RBMS1: variants seen among roughly 807,000 people sequenced by gnomAD.
RBMS1 encodes RNA binding motif single stranded interacting protein 1, also known as RNA-binding motif, single-stranded-interacting protein 1.
Under a neutral mutation model 62.3 loss-of-function variants are expected in RBMS1, and 17 were observed. The ratio of observed to expected loss-of-function variants is 0.27; its 90% CI spans 0.19 to 0.41. RBMS1 has a LOEUF of 0.41. Ranked by LOEUF, RBMS1 falls within the 10% of genes least tolerant of loss-of-function variation. RBMS1 has a pLI of 1.00. For synonymous variants in RBMS1, 172 were observed against 170.0 expected, an observed-to-expected ratio of 1.01 and a Z score of -0.09; for missense variants, 334 against 504.5, an observed-to-expected ratio of 0.66 and a Z score of 3.24.
intron 1 of RBMS1, among the ~76,000 whole-genome samples, chr2:160,486,597 A>G (rs923873251): frequency 6.6e-5 from 10 of 152,190 alleles, no homozygotes; most frequent in East Asian, 5.8e-4. Flanking sequence ...CAGGGCCCAT[A>G]TTGAGGCCAA....
At chr2:160,307,062 G>C (rs1056549959) in intron 4 of RBMS1, among the ~76,000 whole-genome samples, 2 of 152,102 alleles carry the variant, frequency 1.3e-5, no homozygotes, top group Non-Finnish European at 2.9e-5. Context: ...GTGATAAACA[G>C]CTACTAACGT....
At chr2:160,323,496 C>T (rs6708182) in intron 2 of RBMS1, among the ~76,000 whole-genome samples, 39,322 of 150,546 alleles carry the variant, frequency 0.26, 5,714 homozygotes, top group East Asian at 0.53. Context: ...ATCACTGTTA[C>T]GGAATAGGGA....
At chr2:160,290,274 CG>C (rs559852563) in intron 6 of RBMS1, among the ~76,000 whole-genome samples, 13 of 151,044 alleles carry the variant, frequency 8.6e-5, no homozygotes, top group South Asian at 6.5e-4. Flanking sequence ...GGAGAGATAC[CG>C]GAAGACTGAC....
intron 1 of RBMS1, among the ~76,000 whole-genome samples, chr2:160,482,344 A>G (rs780095391): frequency 6.6e-6 from 1 of 152,238 alleles, no homozygotes; most frequent in Non-Finnish European, 1.5e-5. Flanking sequence ...GAAATGTTAT[A>G]TCATCACCTG....
intron 1 of RBMS1, among the ~76,000 whole-genome samples, chr2:160,444,536 A>T (rs1420454042): frequency 6.6e-6 from 1 of 152,358 alleles, no homozygotes. Flanking sequence ...CAGTTTACAG[A>T]AAACCGAGAA....
chr2:160,397,569 C>T (rs1695212793), intron 1 of RBMS1, among the ~76,000 whole-genome samples: 1 of 152,038 alleles, frequency 6.6e-6, no homozygotes. Context: ...TTGAAATTTT[C>T]AGGAAAAAAA....
At chr2:160,331,487 T>TC (rs1209633700) in intron 2 of RBMS1, among the ~76,000 whole-genome samples, 2 of 152,202 alleles carry the variant, frequency 1.3e-5, no homozygotes, top group African/African-American at 4.8e-5. Context: ...ATGGCTGTCA[T>TC]CCCCATTAGG....
chr2:160,428,457 C>T (rs930237635), intron 1 of RBMS1, among the ~76,000 whole-genome samples: 2 of 151,856 alleles, frequency 1.3e-5, no homozygotes, highest in African/African-American at 4.8e-5. Flanking sequence ...AACAGCATGT[C>T]GGGGAATTAT....
At chr2:160,418,130 C>T (rs568576334) in intron 1 of RBMS1, among the ~76,000 whole-genome samples, 1 of 152,310 alleles carries the variant, frequency 6.6e-6, no homozygotes, top group African/African-American at 2.4e-5. Context: ...TCAGACTTTG[C>T]CACTGTACAC....
intron 1 of RBMS1, among the ~76,000 whole-genome samples, chr2:160,414,131 G>C (rs1696128979): frequency 6.6e-6 from 1 of 152,158 alleles, no homozygotes; most frequent in Non-Finnish European, 1.5e-5. Context: ...AGTTGTAAAA[G>C]CATGTGGATT....
chr2:160,298,522 A>G (rs1689055658), intron 6 of RBMS1, among the ~76,000 whole-genome samples: 1 of 152,208 alleles, frequency 6.6e-6, no homozygotes, highest in African/African-American at 2.4e-5. Flanking sequence ...AAAAGCAGAT[A>G]GAAGAAATAA....
At chr2:160,448,038 C>T (rs1233381718) in intron 1 of RBMS1, among the ~76,000 whole-genome samples, 2 of 152,118 alleles carry the variant, frequency 1.3e-5, no homozygotes, top group Non-Finnish European at 2.9e-5. Flanking sequence ...CTTTAATTTT[C>T]ATGCCAAAAG....
At position 160,273,402 on chromosome 2, in the gene RBMS1, T is replaced by A. The variant is rs1687669297; in HGVS notation, c.*1370A>T. The A allele has an allele frequency of 6.6e-6, 1 of 152,308 alleles. No homozygotes were observed. The allele number at this position is 152,308 out of a possible 1,614,324, so 9.4% of individuals were successfully genotyped here. On this transcript the variant is annotated 3_prime_UTR_variant, in exon 14 of 14. Coordinates refer to ENST00000348849, the MANE Select transcript of RBMS1 (RefSeq NM_016836.4). The stretch of plus-strand genomic sequence containing the variant: ...GCAAAAATAAAGAGCACAGAAGATG[T>A]GATGCTGAGACAAGTTGGAGCTACT...
At chr2:160,410,713 C>T (rs1695991887) in intron 1 of RBMS1, among the ~76,000 whole-genome samples, 1 of 152,108 alleles carries the variant, frequency 6.6e-6, no homozygotes, top group South Asian at 2.1e-4. Flanking sequence ...ATGGTAAAAA[C>T]GGGGCTTTGG....
intron 4 of RBMS1, among the ~76,000 whole-genome samples, chr2:160,311,832 T>A (rs1689940975): frequency 6.6e-6 from 1 of 152,238 alleles, no homozygotes; most frequent in Admixed American, 6.5e-5. Flanking sequence ...AAAAATTTAA[T>A]TAATTACACA....
intron 1 of RBMS1, 189 bp from the exon 2 acceptor site, chr2:160,367,580 A>C: frequency 9.0e-7 from 1 of 1,113,880 alleles, no homozygotes; most frequent in Non-Finnish European, 1.2e-6. Flanking sequence ...AAAATTGATA[A>C]TAGGGTTTAC....
At chr2:160,291,908 T>C (rs1162304657) in intron 6 of RBMS1, among the ~76,000 whole-genome samples, 1 of 152,226 alleles carries the variant, frequency 6.6e-6, no homozygotes, top group African/African-American at 2.4e-5. Context: ...CAAACATCTT[T>C]TAATTTTCTA....
chr2:160,471,929 C>G (rs920629920), intron 1 of RBMS1, among the ~76,000 whole-genome samples: 5 of 151,852 alleles, frequency 3.3e-5, no homozygotes, highest in African/African-American at 1.2e-4. Flanking sequence ...TTGAGGTACA[C>G]TAGCACTCAA....
chr2:160,454,801 TTAA>T (rs1684150669), intron 1 of RBMS1, among the ~76,000 whole-genome samples: 1 of 152,344 alleles, frequency 6.6e-6, no homozygotes, highest in African/African-American at 2.4e-5. Flanking sequence ...CAGGATCAGA[TTAA>T]TGTTTTTCAA....
Sources: gnomAD v4.1 joint callset for allele counts (sites outside exome capture counted in the v4.1 genomes callset) on GRCh38, gnomAD v4.1.1 for gene constraint, MANE v1.5 for transcripts, NCBI Gene and HGNC (gene_info 2026-07-23, HGNC 2026-07-21) for gene names.